Variants in TBXA2R observed in about 807,000 individuals in gnomAD.
TBXA2R encodes the protein thromboxane A2 receptor, also known as prostanoid TP receptor.
A neutral mutation model predicts 15.6 loss-of-function variants in TBXA2R; 15 were observed. The observed-to-expected ratio is 0.96, with a 90% CI of 0.64 to 1.48. TBXA2R has a LOEUF of 1.48. TBXA2R is among the 40% of genes most tolerant of loss of function. TBXA2R has a pLI of 0.00. For missense variants in TBXA2R, 506 were observed against 491.4 expected (o/e 1.03, Z -0.28); for synonymous variants, 280 against 241.2 (o/e 1.16, Z -1.49).
rs201193721 is a variant in TBXA2R, at chr19:3,594,825, C to T, written c.*863G>A. The T allele has an allele frequency of 6.3e-5, 96 of 1,533,028 alleles. No individual in the cohort carries two copies. The highest frequency in any genetic ancestry group is 8.0e-5 in the Non-Finnish European group (92 of 1,144,060). 95.0% of individuals were successfully genotyped at this position (1,533,028 alleles called of 1,614,324 possible). A position where few individuals can be genotyped will look rare whatever the true frequency, so the allele number is the denominator to read the frequency against. On this transcript the variant is annotated 3_prime_UTR_variant, in exon 3 of 3. Transcript: ENST00000375190. ...TATTTTGGCAAGAAAAGGGGGTGCC[C>T]CCGTTCACATTCAATCCTTTCTGGA... is the stretch of plus-strand genomic sequence containing the variant.
rs116146364 is a variant in TBXA2R, at chr19:3,601,649, G to A, written c.-83-932C>T. ...ATGGTTCAAAAACCAGCTTCTGGCT[G>A]GGTGCAGTGGCTAATGCCTGTAATC... On this transcript the variant is annotated intron_variant, in intron 1 of 2. Coordinates refer to ENST00000375190, the MANE Select transcript of TBXA2R (RefSeq NM_001060.6). Among the ~76,000 whole-genome samples the A allele has an allele frequency of 5.5e-3, 838 of 151,938 alleles. 7 individuals are homozygous for A. The highest frequency in any genetic ancestry group is 0.019 in the African/African-American group (808 of 41,450).
intron 1 of TBXA2R, among the ~76,000 whole-genome samples, chr19:3,605,454 C>G (rs867447507): frequency 6.6e-6 from 1 of 151,826 alleles, no homozygotes; most frequent in African/African-American, 2.4e-5. Context: ...GACACACACA[C>G]AGAAACATGG....
intron 1 of TBXA2R, 109 bp from the exon 2 acceptor site, chr19:3,600,826 G>GTTTTTTT (rs35168572): frequency 4.2e-5 from 17 of 400,490 alleles, no homozygotes; most frequent in South Asian, 7.4e-5. Context: ...ATCCTCTCCG[G>GTTTTTTT]TTTTTTTTTT....
chr19:3,602,080 G>C (rs551706991), intron 1 of TBXA2R, among the ~76,000 whole-genome samples: 73 of 152,246 alleles, frequency 4.8e-4, no homozygotes, highest in African/African-American at 1.7e-3. Context: ...AATTAGCCGG[G>C]CGTGGTGGCG....
intron 2 of TBXA2R, among the ~76,000 whole-genome samples, chr19:3,597,428 T>A (rs1035874101): frequency 7.0e-6 from 1 of 142,018 alleles, no homozygotes; most frequent in African/African-American, 2.6e-5. Flanking sequence ...ATACTTTGTT[T>A]GAGATCAGCC....
chr19:3,603,299 G>C (rs1161124702), intron 1 of TBXA2R, among the ~76,000 whole-genome samples: 1 of 152,208 alleles, frequency 6.6e-6, no homozygotes, highest in Non-Finnish European at 1.5e-5. Flanking sequence ...CCTGACAGCG[G>C]CACTGAACTC....
rs534177945 is a variant in TBXA2R, at chr19:3,598,826, G to A, written c.786+1023C>T. ...TGGGACTACAGGCGTGCGCCACCAC[G>A]CCCGGCTAATTTTTTGTATTTTTAG... On this transcript the variant is annotated intron_variant, in intron 2 of 2. Coordinates refer to ENST00000375190, the MANE Select transcript of TBXA2R (RefSeq NM_001060.6). Among the ~76,000 whole-genome samples, 25 of 152,130 alleles carry A rather than the reference G, an allele frequency of 1.6e-4. 1 individual carries two copies. In the Middle Eastern group the frequency reaches 0.01, roughly 62 times the overall value.
In TBXA2R at chr19:3,595,636, G is replaced by A. The variant is rs199547755; in HGVS notation, c.*52C>T. 6.6e-7 allele frequency: 1 copy of A among 1,517,218 alleles called. No individual in the cohort carries two copies. The highest frequency in any genetic ancestry group is 8.9e-7 in the Non-Finnish European group (1 of 1,127,692). 94.0% of individuals were successfully genotyped at this position (1,517,218 alleles called of 1,614,324 possible). On this transcript the variant is annotated 3_prime_UTR_variant, in exon 3 of 3. Coordinates refer to ENST00000375190, the MANE Select transcript of TBXA2R (RefSeq NM_001060.6). ...CTCAGAACAGGCAGATGGGCTGTCC[G>A]AGGGGCCAAGGGCTCCGCGGAAAGG... is the stretch of plus-strand genomic sequence containing the variant.
At position 3,600,046 on chromosome 19, in the gene TBXA2R, C is replaced by T. The variant is rs750819182; in HGVS notation, c.589G>A (p.Gly197Arg). The T allele has an allele frequency of 4.3e-6, 7 of 1,612,482 alleles. No homozygotes were observed. Among genetic ancestry groups the T allele is most frequent in the South Asian group, 3.3e-5 (3 of 91,006 alleles). ...CCGCCCAGCATGGAGAAGAGCAGCC[C>T]GAAGGCCACGTCCCCGGACTCGGCG... Reference protein sequence around the residue: ...LGAESGDVAFGLLFSMLGGLS... With the variant: ...LGAESGDVAFRLLFSMLGGLS... Residue 197 changes from glycine (G) to arginine (R), a missense_variant, in exon 2 of 3, where the codon GGG becomes AGG. Transcript: ENST00000375190.
Position 3,600,494 on chromosome 19 carries a change from G to T in TBXA2R, c.141C>A (p.Ser47Arg). Residue 47 changes from serine to arginine, a missense_variant, in exon 2 of 3, where the codon AGC (serine) becomes AGA (arginine). Physicochemically the swap from Ser to Arg is moderately radical, Grantham distance 110. Transcript: ENST00000375190. ...CCCCCTGCCGCGCGCCCGCCAGCAC[G>T]CTCAGGGCCAGCAGGTTGGAGGCCA... The part of the protein sequence containing the change: ...VGLASNLLAL[S>R]VLAGARQGGS... 6.2e-7 allele frequency: 1 copy of T among 1,612,822 alleles called. No homozygotes were observed. Among genetic ancestry groups the T allele is most frequent in the Non-Finnish European group, 8.5e-7 (1 of 1,179,610 alleles).
Position 3,600,711 on chromosome 19 carries a change from G to T in TBXA2R, c.-77C>A. Reference sequence around the variant, plus strand: ...GACAGGGCAGGCTGGCACTGGTTCAGGCACACCTGGGAGGCGAGAGAAGAT... The same window carrying T: ...GACAGGGCAGGCTGGCACTGGTTCATGCACACCTGGGAGGCGAGAGAAGAT... On this transcript the variant is annotated 5_prime_UTR_variant, in exon 2 of 3. In the 5' UTR this introduces an upstream ATG that the reference lacks. Transcript: ENST00000375190. The T allele has an allele frequency of 6.6e-7, 1 of 1,523,554 alleles. No homozygotes were observed. The highest frequency in any genetic ancestry group is 9.0e-7 in the Non-Finnish European group (1 of 1,114,888). The allele number at this position is 1,523,554 out of a possible 1,614,324, so 94.4% of individuals were successfully genotyped here.
Position 3,598,921 on chromosome 19 carries a change from G to A in TBXA2R, c.786+928C>T, listed in dbSNP as rs1262610922. 2.6e-5 allele frequency among the ~76,000 whole-genome samples: 4 copies of A among 152,160 alleles called. No individual in the cohort carries two copies. The South Asian group carries it at 6.2e-4, about 24-fold the overall frequency. On this transcript the variant is annotated intron_variant, in intron 2 of 2. Transcript: ENST00000375190. ...TTGACCTCATGATCTGCCCGCCTCT[G>A]CCTCACAAAGTGCTGGGATTTCAGG... is the stretch of plus-strand genomic sequence containing the variant.
rs199952923 is a variant in TBXA2R at position 3,599,918 on chromosome 19, G to A, written c.717C>T (p.Ser239=). The A allele has an allele frequency of 1.4e-5, 22 of 1,550,142 alleles. No homozygotes were observed. The Admixed American group carries it at 1.6e-4, about 11-fold the overall frequency. The change falls in exon 2 of 3, where the codon TCC becomes TCT. Residue 239 remains serine (S), a synonymous_variant. Coordinates refer to ENST00000375190, the MANE Select transcript of TBXA2R (RefSeq NM_001060.6). ...GGAGCTGAGCCATCATCTCCACCTC[G>A]GAGTCCCGGGGACGCTGCTGGGCCG... The part of the protein sequence containing the change: ...QEAAQQRPRD[S]EVEMMAQLLG...
chr19:3,605,961 GAA>G (rs2032826270), intron 1 of TBXA2R, among the ~76,000 whole-genome samples: 1 of 150,258 alleles, frequency 6.7e-6, no homozygotes, highest in South Asian at 2.1e-4. Context: ...GACACAGACA[GAA>G]AAACACAGAC....
At position 3,594,835 on chromosome 19, in the gene TBXA2R, T is replaced by A; in HGVS notation, c.*853A>T. On this transcript the variant is annotated 3_prime_UTR_variant, in exon 3 of 3. Transcript: ENST00000375190. Reference sequence around the variant, plus strand: ...AGAAAAGGGGGTGCCCCCGTTCACATTCAATCCTTTCTGGACAGAGCCTTC... The same window carrying A: ...AGAAAAGGGGGTGCCCCCGTTCACAATCAATCCTTTCTGGACAGAGCCTTC... 6.5e-7 allele frequency: 1 copy of A among 1,536,154 alleles called. No homozygotes were observed. Among genetic ancestry groups the A allele is most frequent in the Non-Finnish European group, 8.7e-7 (1 of 1,146,270 alleles).
intron 1 of TBXA2R, among the ~76,000 whole-genome samples, chr19:3,602,664 C>T (rs1036932363): frequency 1.3e-5 from 2 of 150,612 alleles, no homozygotes; most frequent in Non-Finnish European, 3.0e-5. Flanking sequence ...CGCTTGAACC[C>T]GACAGGGGAA....
In TBXA2R at chr19:3,603,568, C is replaced by G. The variant is rs36017852; in HGVS notation, c.-83-2851G>C. On this transcript the variant is annotated intron_variant, in intron 1 of 2. Coordinates refer to ENST00000375190, the MANE Select transcript of TBXA2R (RefSeq NM_001060.6). The stretch of plus-strand genomic sequence containing the variant: ...CCTTGGGACTCGGCTGTCCCTGCGG[C>G]CACTGACCCGACCTCTGCCTGGAGC... Among the ~76,000 whole-genome samples the G allele has an allele frequency of 6.5e-3, 983 of 152,312 alleles. 15 individuals carry two copies. The highest frequency in any genetic ancestry group is 0.023 in the African/African-American group (949 of 41,554).
chr19:3,600,972 G>A (rs1378229746), intron 1 of TBXA2R, among the ~76,000 whole-genome samples: 1 of 151,470 alleles, frequency 6.6e-6, no homozygotes, highest in African/African-American at 2.4e-5. Flanking sequence ...GGGACTACAG[G>A]CACATACCCT....
In TBXA2R at chr19:3,599,737, G is replaced by A. The variant is rs2032679637; in HGVS notation, c.786+112C>T. The A allele has an allele frequency of 8.1e-6, 12 of 1,476,714 alleles. No homozygotes were observed. In the Admixed American group the frequency reaches 2.4e-4, roughly 29 times the overall value. The allele number at this position is 1,476,714 out of a possible 1,614,324, so 91.5% of individuals were successfully genotyped here. A position where few individuals can be genotyped will look rare whatever the true frequency, so the allele number is the denominator to read the frequency against. Reference sequence around the variant, plus strand: ...CCGCCTCAGCCTCCCAGAGTTCTGGGATTACCGGCGTGAGCCACCGCGCCC... The same window carrying A: ...CCGCCTCAGCCTCCCAGAGTTCTGGAATTACCGGCGTGAGCCACCGCGCCC... On this transcript the variant is annotated intron_variant, in intron 2 of 2. Transcript: ENST00000375190.
Sources: allele counts gnomAD v4.1 joint callset (sites outside exome capture counted in the v4.1 genomes callset), GRCh38; gene constraint gnomAD v4.1.1; transcripts MANE v1.5; gene names NCBI Gene and HGNC (gene_info 2026-07-23, HGNC 2026-07-21).